The following TRAF3IP3 variants were observed in gnomAD, a reference collection of about 807,000 sequenced individuals.
The protein encoded by TRAF3IP3 is TRAF3 interacting protein 3.
TRAF3IP3 carries 64 observed loss-of-function variants against 86.5 expected under a neutral mutation model. The ratio of observed to expected loss-of-function variants is 0.74; its 90% CI spans 0.60 to 0.91. The LOEUF (loss-of-function observed/expected upper bound fraction) is 0.91. Among genes scored for constraint, TRAF3IP3 ranks in the 40% least tolerant of loss-of-function variants. The pLI, the probability that TRAF3IP3 is intolerant of heterozygous loss-of-function variation, is 0.00. For missense variants in TRAF3IP3, 579 were observed against 642.9 expected, an observed-to-expected ratio of 0.90 and a Z score of 1.07; for synonymous variants, 220 against 243.9, an observed-to-expected ratio of 0.90 and a Z score of 0.91.
intron 3 of TRAF3IP3, among the ~76,000 whole-genome samples, chr1:209,761,950 G>A (rs2077253453): frequency 6.6e-6 from 1 of 152,270 alleles, no homozygotes; most frequent in Admixed American, 6.5e-5. Context: ...TGCCTGGCCT[G>A]AGGAGGACCA....
chr1:209,763,675 AG>A, intron 8 of TRAF3IP3, 88 bp downstream of exon 8: 1 of 1,135,990 alleles, frequency 8.8e-7, no homozygotes, highest in Non-Finnish European at 1.3e-6. Flanking sequence ...CAGTAAGAGA[AG>A]GGGTTTTCTC....
chr1:209,780,362 G>C (rs189288357), intron 14 of TRAF3IP3, 108 bp from the exon 15 acceptor site: 3 of 1,081,852 alleles, frequency 2.8e-6, no homozygotes, highest in Non-Finnish European at 3.7e-6. Flanking sequence ...CCAAGAGCAC[G>C]CCCTCCCAAG....
At chr1:209,760,437 A>C (rs2102430508) in intron 3 of TRAF3IP3, 53 bp downstream of exon 3, 3 of 1,459,472 alleles carry the variant, frequency 2.1e-6, no homozygotes, top group Non-Finnish European at 2.8e-6. Context: ...CTCTCTGGAC[A>C]AGGAGGGTGG....
chr1:209,772,855 C>A, intron 8 of TRAF3IP3, 93 bp from the exon 9 acceptor site: 1 of 1,093,322 alleles, frequency 9.1e-7, no homozygotes, highest in Non-Finnish European at 1.4e-6. Context: ...TGAGCACCAA[C>A]CATGTGCTGG....
rs2077578130 is a variant in TRAF3IP3, at chr1:209,772,979, A to C, written c.734A>C (p.Lys245Thr). 6.2e-7 allele frequency: 1 copy of C among 1,613,872 alleles called. No individual in the cohort carries two copies. The highest frequency in any genetic ancestry group is 8.5e-7 in the Non-Finnish European group (1 of 1,179,960). Residue 245 changes from lysine (K) to threonine (T), a missense_variant, in exon 9 of 17, where the codon AAA becomes ACA. Transcript: ENST00000367025. ...GQLNEDKLKGKLRSLENQLYT... is the reference protein window; with the variant it reads ...GQLNEDKLKGTLRSLENQLYT... ...CTTAATGAAGACAAACTGAAGGGGAAACTGAGATCCTTAGAAAACCAGCTA... is the reference window on the plus strand; with the variant it reads ...CTTAATGAAGACAAACTGAAGGGGACACTGAGATCCTTAGAAAACCAGCTA...
Position 209,778,153 on chromosome 1 carries a change from C to G in TRAF3IP3, c.1232C>G (p.Thr411Ser). 1.9e-6 allele frequency: 3 copies of G among 1,614,044 alleles called. No individual in the cohort carries two copies. The highest frequency in any genetic ancestry group is 2.5e-6 in the Non-Finnish European group (3 of 1,179,926). The change falls in exon 13 of 17, where the codon ACC becomes AGC. Residue 411 changes from threonine (T) to serine (S), a missense_variant. Coordinates refer to ENST00000367025, the MANE Select transcript of TRAF3IP3 (RefSeq NM_025228.4). ...GAGGCAGAGAAACTCACCCTGGTGA[C>G]CAGAGTACAGCAGTTGCAGGGTAAG... ...RSEAEKLTLV[T>S]RVQQLQGLLQ...
chr1:209,773,860 G>A (rs1178534174), intron 9 of TRAF3IP3, among the ~76,000 whole-genome samples: 1 of 152,138 alleles, frequency 6.6e-6, no homozygotes, highest in Admixed American at 6.6e-5. Context: ...TTTCAATAGG[G>A]AATAACACAT....
intron 8 of TRAF3IP3, among the ~76,000 whole-genome samples, chr1:209,770,818 TGGA>T (rs2077472920): frequency 1.1e-5 from 1 of 94,308 alleles, no homozygotes; most frequent in Non-Finnish European, 2.2e-5. Context: ...TGTGTGCAGG[TGGA>T]GGTGTGTGTC....
chr1:209,759,616 A>T (rs1299334662), intron 2 of TRAF3IP3, among the ~76,000 whole-genome samples: 1 of 152,152 alleles, frequency 6.6e-6, no homozygotes, highest in African/African-American at 2.4e-5. Flanking sequence ...AAATGAACAC[A>T]CACCTGCCAT....
rs771951964 is a variant in TRAF3IP3, at chr1:209,760,302, G to T, written c.263G>T (p.Gly88Val). ...CAGCATCCCCAGGCCAGGGAGCAAGGGCCCTCCAGGCGGCCAGGACAGGTG... is the reference window on the plus strand; with the variant it reads ...CAGCATCCCCAGGCCAGGGAGCAAGTGCCCTCCAGGCGGCCAGGACAGGTG... ...KAQHPQAREQ[G>V]PSRRPGQVTV... is the part of the protein sequence containing the mutation. The change falls in exon 3 of 17, where the codon GGG (glycine) becomes GTG (valine). Residue 88 changes from glycine to valine, a missense_variant. Coordinates refer to ENST00000367025, the MANE Select transcript of TRAF3IP3 (RefSeq NM_025228.4). 2 of 1,614,012 alleles carry T rather than the reference G, an allele frequency of 1.2e-6. No individual in the cohort carries two copies. Among genetic ancestry groups the T allele is most frequent in the East Asian group, 2.2e-5 (1 of 44,876 alleles).
intron 6 of TRAF3IP3, 40 bp downstream of exon 6, chr1:209,763,132 T>C: frequency 6.3e-7 from 1 of 1,598,088 alleles, no homozygotes; most frequent in Non-Finnish European, 8.6e-7. Context: ...AATCAGAAAG[T>C]ATTAAGCTCT....
chr1:209,771,079 GAGGTGT>G (rs2077494346), intron 8 of TRAF3IP3, among the ~76,000 whole-genome samples: 1 of 140,704 alleles, frequency 7.1e-6, no homozygotes, highest in African/African-American at 2.7e-5. Flanking sequence ...TGTGCAGGTG[GAGGTGT>G]GTGTGTGCAG....
At chr1:209,770,771 G>T (rs1183154342) in intron 8 of TRAF3IP3, among the ~76,000 whole-genome samples, 2 of 133,230 alleles carry the variant, frequency 1.5e-5, no homozygotes, top group East Asian at 2.6e-4. Flanking sequence ...GTGTGCGTGT[G>T]CCTATGGAGG....
chr1:209,762,104 C>A (rs887369959), intron 3 of TRAF3IP3, among the ~76,000 whole-genome samples: 1 of 152,150 alleles, frequency 6.6e-6, no homozygotes, highest in Non-Finnish European at 1.5e-5. Flanking sequence ...GCTTAAATAA[C>A]AGAAATTTAT....
At chr1:209,772,553 C>T (rs1452392142) in intron 8 of TRAF3IP3, among the ~76,000 whole-genome samples, 1 of 152,070 alleles carries the variant, frequency 6.6e-6, no homozygotes, top group Non-Finnish European at 1.5e-5. Flanking sequence ...GCCTCACTGG[C>T]CTACATTTTA....
At chr1:209,772,814 T>C (rs1024862139) in intron 8 of TRAF3IP3, 134 bp from the exon 9 acceptor site, 7 of 717,946 alleles carry the variant, frequency 9.8e-6, no homozygotes, top group Admixed American at 7.9e-5. Flanking sequence ...TCATCTTTGC[T>C]CCTGCCTGCC....
chr1:209,766,447 T>C (rs6660087), intron 8 of TRAF3IP3, among the ~76,000 whole-genome samples: 27,980 of 152,204 alleles, frequency 0.18, 2,962 homozygotes, highest in Non-Finnish European at 0.23. Flanking sequence ...GACAGAGACA[T>C]GTAATAAATA....
rs371703527 is a variant in TRAF3IP3, at chr1:209,760,202, G to C, written c.163G>C (p.Glu55Gln). 1 of 1,614,150 alleles carries C rather than the reference G, an allele frequency of 6.2e-7. No homozygotes were observed. Among genetic ancestry groups the C allele is most frequent in the African/African-American group, 1.3e-5 (1 of 74,954 alleles). Residue 55 changes from glutamate (E) to glutamine (Q), a missense_variant, in exon 3 of 17, where the codon GAG (glutamate) becomes CAG (glutamine). Transcript: ENST00000367025. ...GAAGACGCTGAGGATCCAACAGAGA[G>C]AGCAGCTCCAGAGAGCTCGACTGCA... ...VGKTLRIQQR[E>Q]QLQRARLQQF...
In TRAF3IP3 at chr1:209,763,472, C is replaced by T; in HGVS notation, c.607-20C>T. ...TCCAGGTTAATCTTACCCTCTTGCA[C>T]TTTGTGCCCGCACCCCCAGGAGGCC... On this transcript the variant is annotated intron_variant, in intron 7 of 16. Coordinates refer to ENST00000367025, the MANE Select transcript of TRAF3IP3 (RefSeq NM_025228.4). The T allele has an allele frequency of 6.2e-7, 1 of 1,613,900 alleles. No individual in the cohort carries two copies. The highest frequency in any genetic ancestry group is 2.2e-5 in the East Asian group (1 of 44,884).
Sources: gnomAD v4.1 joint callset for allele counts (sites outside exome capture counted in the v4.1 genomes callset) on GRCh38, gnomAD v4.1.1 for gene constraint, MANE v1.5 for transcripts, NCBI Gene and HGNC (gene_info 2026-07-23, HGNC 2026-07-21) for gene names.